Variants in MAGI2 observed in about 807,000 individuals in gnomAD.
MAGI2 encodes membrane associated guanylate kinase, WW and PDZ domain containing 2, also known as membrane-associated guanylate kinase, WW and PDZ domain-containing protein 2.
MAGI2 carries 35 observed loss-of-function variants against 133.3 expected under a neutral mutation model. That is an observed-to-expected ratio of 0.26 (90% CI 0.20 to 0.35). The LOEUF is 0.35. Ranked by LOEUF, MAGI2 falls within the 10% of genes least tolerant of loss-of-function variation. The pLI is 1.00. For synonymous variants in MAGI2, 729 were observed against 710.6 expected (o/e 1.03, Z -0.41); for missense variants, 1,636 against 1,863.4 (o/e 0.88, Z 2.25).
chr7:78,072,447 C>T (rs1814812108), intron 21 of MAGI2: 1 of 152,590 alleles, frequency 6.6e-6, no homozygotes, highest in Non-Finnish European at 1.5e-5. Context: ...ATTTTACCTT[C>T]AGTGCCTGCA....
chr7:78,862,408 G>A (rs955744618), intron 2 of MAGI2, among the ~76,000 whole-genome samples: 5 of 152,156 alleles, frequency 3.3e-5, no homozygotes, highest in African/African-American at 4.8e-5. Flanking sequence ...ATTTCTGGGT[G>A]CTTGTCCAAG....
chr7:78,563,279 T>G (rs1334242950), intron 3 of MAGI2, among the ~76,000 whole-genome samples: 1 of 152,168 alleles, frequency 6.6e-6, no homozygotes, highest in Non-Finnish European at 1.5e-5. Context: ...AGACAATTAC[T>G]AGCTTGGGGA....
chr7:78,406,332 G>A (rs997512457), intron 6 of MAGI2, among the ~76,000 whole-genome samples: 1 of 152,004 alleles, frequency 6.6e-6, no homozygotes, highest in African/African-American at 2.4e-5. Context: ...GTAACTAGGA[G>A]CTGTATTTCC....
intron 6 of MAGI2, among the ~76,000 whole-genome samples, chr7:78,470,262 C>A (rs1419605197): frequency 2.6e-5 from 4 of 152,072 alleles, no homozygotes; most frequent in African/African-American, 4.8e-5. Flanking sequence ...CATTTTGTAC[C>A]TTTTGTTCTG....
intron 21 of MAGI2, among the ~76,000 whole-genome samples, chr7:78,026,805 T>C (rs1429857211): frequency 6.6e-6 from 1 of 152,172 alleles, no homozygotes; most frequent in Non-Finnish European, 1.5e-5. Context: ...CTACTCTCAT[T>C]ACAGGGCATG....
chr7:78,701,530 G>A (rs369850858), intron 2 of MAGI2, among the ~76,000 whole-genome samples: 8 of 151,850 alleles, frequency 5.3e-5, no homozygotes, highest in South Asian at 2.1e-4. Context: ...GGAATCTTAC[G>A]TAGGGTGTAG....
At chr7:79,256,391 T>C (rs1013499224) in intron 1 of MAGI2, among the ~76,000 whole-genome samples, 1 of 152,104 alleles carries the variant, frequency 6.6e-6, no homozygotes, top group Non-Finnish European at 1.5e-5. Flanking sequence ...TAACAAACAT[T>C]TGTTCATTGC....
At chr7:79,215,265 G>T (rs374822002) in intron 1 of MAGI2, among the ~76,000 whole-genome samples, 2 of 151,984 alleles carry the variant, frequency 1.3e-5, no homozygotes, top group South Asian at 4.1e-4. Context: ...GGCCTTGAAA[G>T]AAATCGAAGT....
chr7:79,319,812 GA>G (rs537131764), intron 1 of MAGI2, among the ~76,000 whole-genome samples: 9 of 152,198 alleles, frequency 5.9e-5, no homozygotes, highest in African/African-American at 1.9e-4. Context: ...ATGGCTTCCT[GA>G]AACCTAGCGG....
At chr7:78,837,981 A>G (rs1791796876) in intron 2 of MAGI2, among the ~76,000 whole-genome samples, 1 of 152,112 alleles carries the variant, frequency 6.6e-6, no homozygotes, top group Non-Finnish European at 1.5e-5. Context: ...TTAGCTGGGT[A>G]CTGTAGATTG....
At chr7:79,408,197 T>C (rs1207848633) in intron 1 of MAGI2, among the ~76,000 whole-genome samples, 2 of 152,134 alleles carry the variant, frequency 1.3e-5, no homozygotes, top group Non-Finnish European at 2.9e-5. Context: ...AAACTATTCA[T>C]GTGCTTTCTC....
Position 78,110,028 on chromosome 7 carries a change from T to A in MAGI2, c.3567+15666A>T, listed in dbSNP as rs1348558767. Among the ~76,000 whole-genome samples, 3 of 152,178 alleles carry A rather than the reference T, an allele frequency of 2.0e-5. No individual in the cohort carries two copies. In the East Asian group the frequency reaches 5.8e-4, roughly 29 times the overall value. On this transcript the variant is annotated intron_variant, in intron 20 of 21. Transcript: ENST00000354212. ...CACGCCCCCTAGTTAAGTAGTTAAT[T>A]GTGAGCACTGACTCGGGAGCTTGCC...
chr7:78,290,683 A>T (rs1796612698), intron 9 of MAGI2, among the ~76,000 whole-genome samples: 1 of 152,222 alleles, frequency 6.6e-6, no homozygotes, highest in African/African-American at 2.4e-5. Flanking sequence ...TCCAAAATTG[A>T]CCACACACTT....
chr7:79,303,302 TAA>T (rs5885125), intron 1 of MAGI2, among the ~76,000 whole-genome samples: 230 of 151,964 alleles, frequency 1.5e-3, no homozygotes, highest in Non-Finnish European at 2.1e-3. Flanking sequence ...GCCATTGAAA[TAA>T]AAAAAAACTT....
intron 3 of MAGI2, among the ~76,000 whole-genome samples, chr7:78,566,548 A>AAG (rs1375705254): frequency 1.1e-4 from 17 of 151,638 alleles, no homozygotes; most frequent in African/African-American, 4.1e-4. Flanking sequence ...AAAAAAAAAA[A>AAG]AACAGAGGAA....
intron 3 of MAGI2, among the ~76,000 whole-genome samples, chr7:78,560,033 C>T (rs1800246638): frequency 6.6e-6 from 1 of 152,008 alleles, no homozygotes; most frequent in Admixed American, 6.6e-5. Flanking sequence ...CAAAGGCATG[C>T]AGCTTGAAGG....
chr7:78,681,154 T>A (rs548028815), intron 2 of MAGI2, among the ~76,000 whole-genome samples: 1 of 152,192 alleles, frequency 6.6e-6, no homozygotes, highest in South Asian at 2.1e-4. Context: ...CAACCAGAAA[T>A]ACATTCTCCA....
At chr7:79,294,167 G>A (rs1836723363) in intron 1 of MAGI2, among the ~76,000 whole-genome samples, 1 of 136,178 alleles carries the variant, frequency 7.3e-6, no homozygotes, top group South Asian at 2.4e-4. Flanking sequence ...AACAGAGTGA[G>A]ACTCCGTCTC....
chr7:79,098,938 A>AT (rs138295978), intron 1 of MAGI2, among the ~76,000 whole-genome samples: 7,971 of 152,198 alleles, frequency 0.052, 664 homozygotes, highest in African/African-American at 0.18. Flanking sequence ...ATTTGTTTAT[A>AT]TTTTCACTTC....
Sources: allele counts gnomAD v4.1 joint callset (sites outside exome capture counted in the v4.1 genomes callset), GRCh38; gene constraint gnomAD v4.1.1; transcripts MANE v1.5; gene names NCBI Gene and HGNC (gene_info 2026-07-23, HGNC 2026-07-21).